Variants in COL25A1 observed in about 807,000 individuals in gnomAD.
COL25A1 encodes collagen type XXV alpha 1 chain.
A neutral mutation model predicts 128.4 loss-of-function variants in COL25A1; 103 were observed. That is an observed-to-expected ratio of 0.80 (90% CI 0.68 to 0.94). The LOEUF is 0.94. Ranked by LOEUF, COL25A1 falls within the 40% of genes least tolerant of loss-of-function variation. The pLI, the probability that COL25A1 is intolerant of heterozygous loss-of-function variation, is 0.00. For synonymous variants in COL25A1, 279 were observed against 277.2 expected, an observed-to-expected ratio of 1.01 and a Z score of -0.06; for missense variants, 745 against 840.0, an observed-to-expected ratio of 0.89 and a Z score of 1.40.
chr4:109,154,944 G>GA (rs1771890031), intron 3 of COL25A1, among the ~76,000 whole-genome samples: 2 of 152,102 alleles, frequency 1.3e-5, no homozygotes, highest in African/African-American at 4.8e-5. Flanking sequence ...TAGCAAGGGG[G>GA]AAAATGATCA....
intron 3 of COL25A1, among the ~76,000 whole-genome samples, chr4:109,101,580 G>A (rs764633069): frequency 6.6e-6 from 1 of 152,290 alleles, no homozygotes; most frequent in South Asian, 2.1e-4. Flanking sequence ...TACTCTGTTT[G>A]CAGAAGCTAA....
intron 16 of COL25A1, among the ~76,000 whole-genome samples, chr4:108,891,985 A>AT (rs11284888): frequency 0.054 from 8,187 of 150,376 alleles, 247 homozygotes; most frequent in East Asian, 0.1. Context: ...ACTAAGGGTG[A>AT]TTTTTTTTTT....
chr4:108,881,759 T>C (rs186097544), intron 19 of COL25A1, among the ~76,000 whole-genome samples: 1 of 152,204 alleles, frequency 6.6e-6, no homozygotes, highest in Non-Finnish European at 1.5e-5. Flanking sequence ...TATCTTTAAA[T>C]TGTCTCCTTT....
intron 34 of COL25A1, 23 bp downstream of exon 34, chr4:108,825,173 T>A (rs1248076091): frequency 6.3e-7 from 1 of 1,585,448 alleles, no homozygotes; most frequent in Non-Finnish European, 8.7e-7. Flanking sequence ...AATAGGATGA[T>A]GTTTATTGTA....
chr4:108,853,662 C>A (rs1736105835), intron 24 of COL25A1, among the ~76,000 whole-genome samples: 2 of 151,954 alleles, frequency 1.3e-5, no homozygotes, highest in South Asian at 4.2e-4. Flanking sequence ...GCTATCCCTC[C>A]CCTTGCCCCC....
intron 3 of COL25A1, among the ~76,000 whole-genome samples, chr4:109,268,024 T>C (rs1463874125): frequency 6.6e-6 from 1 of 152,160 alleles, no homozygotes; most frequent in Non-Finnish European, 1.5e-5. Context: ...TCTAAAACTT[T>C]AAAATGTCAA....
intron 8 of COL25A1, 126 bp downstream of exon 8, chr4:108,974,241 G>T: frequency 1.1e-6 from 1 of 888,490 alleles, no homozygotes; most frequent in South Asian, 1.5e-5. Flanking sequence ...CAAGTGGTAT[G>T]GTATTTTTGC....
rs1211500197 is a variant in COL25A1, at chr4:109,021,312, C to T, written c.421-10937G>A. Among the ~76,000 whole-genome samples the T allele has an allele frequency of 4.6e-5, 7 of 152,296 alleles. 1 individual carries two copies. Among genetic ancestry groups the T allele is most frequent in the Middle Eastern group, 6.8e-3 (2 of 294 alleles). On this transcript the variant is annotated intron_variant, in intron 5 of 37. Transcript: ENST00000399132. ...AAGAGAGTTAGAACTTTCACTGTTG[C>T]GGGAAGTCAGGGACCCCAAACAGAG... is the stretch of plus-strand genomic sequence containing the variant.
intron 3 of COL25A1, among the ~76,000 whole-genome samples, chr4:109,294,934 T>C (rs1361080466): frequency 6.6e-6 from 1 of 152,030 alleles, no homozygotes; most frequent in Non-Finnish European, 1.5e-5. Context: ...CCCTTCTCCA[T>C]CCCTAGACCT....
chr4:108,933,336 T>C (rs1470185479), intron 11 of COL25A1, among the ~76,000 whole-genome samples: 1 of 152,226 alleles, frequency 6.6e-6, no homozygotes, highest in African/African-American at 2.4e-5. Context: ...TAGTGGGGTT[T>C]ACATAATGTG....
chr4:109,272,800 C>T, intron 3 of COL25A1, among the ~76,000 whole-genome samples: 1 of 152,072 alleles, frequency 6.6e-6, no homozygotes, highest in East Asian at 1.9e-4. Flanking sequence ...TATGGGTAGG[C>T]ATTTACCAGG....
At chr4:109,249,566 C>T (rs553411216) in intron 3 of COL25A1, among the ~76,000 whole-genome samples, 50 of 152,002 alleles carry the variant, frequency 3.3e-4, no homozygotes, top group African/African-American at 1.1e-3. Flanking sequence ...CATAATTCCA[C>T]GTCAATAAGA....
chr4:108,996,140 G>T (rs1754744146), intron 6 of COL25A1, among the ~76,000 whole-genome samples: 1 of 152,014 alleles, frequency 6.6e-6, no homozygotes, highest in Non-Finnish European at 1.5e-5. Flanking sequence ...AATGTAAATG[G>T]GCTAAATGCC....
intron 3 of COL25A1, among the ~76,000 whole-genome samples, chr4:109,073,845 A>G (rs1429295653): frequency 6.6e-6 from 1 of 152,196 alleles, no homozygotes; most frequent in Non-Finnish European, 1.5e-5. Context: ...CTAATTTCTC[A>G]ATGTCATTTC....
chr4:108,822,060 T>TTTTTTTTTTTTTTG (rs1731833722), intron 35 of COL25A1, among the ~76,000 whole-genome samples: 1 of 131,536 alleles, frequency 7.6e-6, no homozygotes, highest in South Asian at 2.4e-4. Flanking sequence ...TTTTTTTTTT[T>TTTTTTTTTTTTTTG]GGGACAGGGT....
intron 5 of COL25A1, among the ~76,000 whole-genome samples, chr4:109,013,347 A>C (rs909072553): frequency 4.0e-5 from 2 of 50,324 alleles, no homozygotes; most frequent in Admixed American, 5.5e-4. Context: ...TTGTAAACGC[A>C]CCAATCAGCA....
intron 5 of COL25A1, among the ~76,000 whole-genome samples, chr4:109,025,459 T>C (rs1311246729): frequency 6.6e-6 from 1 of 152,244 alleles, no homozygotes; most frequent in African/African-American, 2.4e-5. Flanking sequence ...ATTAAATTTA[T>C]ATGTGCCCAA....
chr4:108,989,328 TA>T (rs1027697623), intron 6 of COL25A1, among the ~76,000 whole-genome samples: 39 of 152,352 alleles, frequency 2.6e-4, no homozygotes, highest in Admixed American at 2.4e-3. Flanking sequence ...TTGCAAGTAG[TA>T]ATGTTTCCTT....
At chr4:109,040,194 G>A (rs1759751218) in intron 5 of COL25A1, among the ~76,000 whole-genome samples, 1 of 152,164 alleles carries the variant, frequency 6.6e-6, no homozygotes, top group Non-Finnish European at 1.5e-5. Flanking sequence ...TTTAATGACT[G>A]AAGAAGGGGA....
Sources: gnomAD v4.1 joint callset for allele counts (sites outside exome capture counted in the v4.1 genomes callset) on GRCh38, gnomAD v4.1.1 for gene constraint, MANE v1.5 for transcripts, NCBI Gene and HGNC (gene_info 2026-07-23, HGNC 2026-07-21) for gene names.